The following BCOR variants were observed in gnomAD, a reference collection of about 807,000 sequenced individuals.
BCOR encodes BCL-6 corepressor.
BCOR carries 10 observed loss-of-function variants against 86.7 expected under a neutral mutation model. The ratio of observed to expected loss-of-function variants is 0.12; its 90% confidence interval spans 0.07 to 0.20. The LOEUF (loss-of-function observed/expected upper bound fraction) is 0.20, where lower values mean the gene tolerates loss of function less well. Ranked by LOEUF, BCOR falls within the 10% of genes least tolerant of loss-of-function variation. The pLI is 1.00. For synonymous variants in BCOR, 611 were observed against 609.0 expected (o/e 1.00, Z -0.05); for missense variants, 1,259 against 1,452.1 (o/e 0.87, Z 2.16).
At chrX:40,093,272 T>C (rs761589567) in intron 1 of BCOR, among the ~76,000 whole-genome samples, 6 of 112,158 alleles carry the variant, frequency 5.3e-5, no homozygotes, top group Non-Finnish European at 1.1e-4. Flanking sequence ...CATCTTAATC[T>C]GAGCATTCGT....
At chrX:40,136,913 C>T (rs1457459692) in intron 1 of BCOR, among the ~76,000 whole-genome samples, 1 of 112,316 alleles carries the variant, frequency 8.9e-6, no homozygotes, top group East Asian at 2.8e-4. Context: ...ATGGTTGGGG[C>T]CCTTAGAAAC....
At chrX:40,141,903 T>C (rs1186516961) in intron 1 of BCOR, among the ~76,000 whole-genome samples, 1 of 110,992 alleles carries the variant, frequency 9.0e-6, no homozygotes, top group Non-Finnish European at 1.9e-5. Flanking sequence ...TTGCTACAGG[T>C]TGCCCTCTGG....
intron 8 of BCOR, 36 bp from the exon 9 acceptor site, chrX:40,063,107 T>TGAGGGGGGGGGGGGGGGGGG: frequency 2.0e-6 from 1 of 497,154 alleles, no homozygotes; most frequent in Non-Finnish European, 2.6e-6. Context: ...GGCGGGCGGA[T>TGAGGGGGGGGGGGGGGGGGG]GGGAGACGGG....
intron 1 of BCOR, among the ~76,000 whole-genome samples, chrX:40,143,694 C>T (rs913573317): frequency 3.5e-5 from 4 of 113,015 alleles, no homozygotes; most frequent in African/African-American, 9.6e-5. Context: ...TGGTGGCTCA[C>T]GCCGGTAATC....
At chrX:40,095,536 C>T (rs1007058044) in intron 1 of BCOR, among the ~76,000 whole-genome samples, 1 of 110,791 alleles carries the variant, frequency 9.0e-6, no homozygotes, top group Non-Finnish European at 1.9e-5. Context: ...AAAGACTACC[C>T]CTAGAACCAA....
intron 1 of BCOR, among the ~76,000 whole-genome samples, chrX:40,169,211 A>G (rs977606851): frequency 1.8e-5 from 2 of 112,857 alleles, no homozygotes; most frequent in African/African-American, 6.4e-5. Flanking sequence ...CAGCTGCACA[A>G]GAGAATTTTC....
chrX:40,064,703 A>T, intron 6 of BCOR, 104 bp from the exon 7 acceptor site: 1 of 935,069 alleles, frequency 1.1e-6, no homozygotes, highest in Non-Finnish European at 1.5e-6. Flanking sequence ...GTAATCTGCT[A>T]TTGACAGCTG....
upstream of BCOR, among the ~76,000 whole-genome samples, chrX:40,100,239 G>A (rs917073821): frequency 1.2e-4 from 14 of 112,787 alleles, no homozygotes; most frequent in Non-Finnish European, 9.4e-5. Context: ...CTGGGTATTT[G>A]TGGGGAAACT....
intron 1 of BCOR, among the ~76,000 whole-genome samples, chrX:40,079,195 T>C (rs1352767007): frequency 9.0e-6 from 1 of 111,710 alleles, no homozygotes; most frequent in African/African-American, 3.3e-5. Flanking sequence ...GGGGAACTTT[T>C]TTCTCCTCCC....
In BCOR at chrX:40,073,075, G is replaced by A. The variant is rs1482553378; in HGVS notation, c.2271C>T (p.Asp757=). The A allele has an allele frequency of 1.7e-6, 2 of 1,212,002 alleles. No homozygotes were observed. The highest frequency in any genetic ancestry group is 2.2e-6 in the Non-Finnish European group (2 of 895,581). The change falls in exon 4 of 15, where the codon GAC becomes GAT. Residue 757 remains aspartate, a synonymous_variant. Transcript: ENST00000378444. ...SRSHERARYE[D]PTLRNRFSEI... ...CGGAAAACCGATTCCGGAGGGTTGG[G>A]TCCTCGTAACGGGCTCTCTCATGGG...
In BCOR at chrX:40,062,122, C is replaced by G. The variant is rs777761317; in HGVS notation, c.4428+17G>C. ...CCCCCCAGCCTGCAGCCCCAGGGAG[C>G]GCCCACAGGGACACACCTCATAGCC... On this transcript the variant is annotated intron_variant, in intron 10 of 14. Transcript: ENST00000378444. 24 of 1,190,259 alleles carry G rather than the reference C, an allele frequency of 2.0e-5. No homozygotes were observed. The highest frequency in any genetic ancestry group is 3.5e-5 in the African/African-American group (2 of 56,535).
intron 1 of BCOR, among the ~76,000 whole-genome samples, chrX:40,156,934 G>A (rs1938309114): frequency 8.8e-6 from 1 of 113,866 alleles, no homozygotes; most frequent in Non-Finnish European, 1.9e-5. Flanking sequence ...CCCGCGAGGG[G>A]CATCGGGACT....
chrX:40,114,358 C>T (rs1253128594), intron 1 of BCOR, among the ~76,000 whole-genome samples: 1 of 111,097 alleles, frequency 9.0e-6, no homozygotes, highest in Admixed American at 9.6e-5. Flanking sequence ...AGGTCTCTGT[C>T]GGCTGGAGGA....
chrX:40,054,101 T>G, intron 13 of BCOR, 59 bp from the exon 14 acceptor site: 1 of 1,167,955 alleles, frequency 8.6e-7, no homozygotes, highest in South Asian at 1.8e-5. Context: ...ATGTCCACAG[T>G]TGTCAACAAC....
chrX:40,056,902 T>C (rs1257160448), intron 11 of BCOR, among the ~76,000 whole-genome samples: 1 of 112,403 alleles, frequency 8.9e-6, no homozygotes, highest in African/African-American at 3.2e-5. Flanking sequence ...CAATTATTCA[T>C]GCAGGCCTCA....
rs2147265455 is a variant in BCOR, at chrX:40,074,665, G to A, written c.681C>T (p.Tyr227=). The A allele has an allele frequency of 2.5e-6, 3 of 1,212,200 alleles. No individual in the cohort carries two copies. Among genetic ancestry groups the A allele is most frequent in the Non-Finnish European group, 3.3e-6 (3 of 895,586 alleles). ...MYKALLPQQS[Y]SLAQPLYSPV... is the part of the protein sequence containing the mutation. Reference sequence around the variant, plus strand: ...GAGAATACAGCGGCTGGGCCAAGCTGTAGGACTGCTGAGGTAGCAAGGCCT... The same window carrying A: ...GAGAATACAGCGGCTGGGCCAAGCTATAGGACTGCTGAGGTAGCAAGGCCT... The change falls in exon 4 of 15, where the codon TAC becomes TAT. Residue 227 remains tyrosine (Y), a synonymous_variant. Transcript: ENST00000378444.
chrX:40,061,915 G>A (rs1364160683), intron 10 of BCOR, among the ~76,000 whole-genome samples: 1 of 111,264 alleles, frequency 9.0e-6, no homozygotes, highest in Non-Finnish European at 1.9e-5. Context: ...GCCTGAACAC[G>A]AACTGAACAT....
intron 9 of BCOR, 64 bp from the exon 10 acceptor site, chrX:40,062,457 C>T: frequency 1.7e-6 from 2 of 1,153,818 alleles, no homozygotes; most frequent in Non-Finnish European, 2.3e-6. Flanking sequence ...GCTGCTTCCC[C>T]TCCTCCTCCC....
chrX:40,095,837 T>C (rs1441246217), intron 1 of BCOR, among the ~76,000 whole-genome samples: 6 of 102,641 alleles, frequency 5.8e-5, no homozygotes, highest in Non-Finnish European at 9.8e-5. Context: ...AAAAGATTCA[T>C]TAACAGCAAA....
Sources: allele counts gnomAD v4.1 joint callset (sites outside exome capture counted in the v4.1 genomes callset), GRCh38; gene constraint gnomAD v4.1.1; transcripts MANE v1.5; gene names NCBI Gene and HGNC (gene_info 2026-07-23, HGNC 2026-07-21).